SDAD1: variants seen among roughly 807,000 people sequenced by gnomAD.
SDAD1 encodes SDA1 domain containing 1.
SDAD1 carries 79 observed loss-of-function variants against 100.3 expected under a neutral mutation model. The ratio of observed to expected loss-of-function variants is 0.79; its 90% CI spans 0.66 to 0.95. SDAD1 has a LOEUF of 0.95. SDAD1 is among the 40% of genes least tolerant of loss of function. The pLI, the probability that SDAD1 is intolerant of heterozygous loss-of-function variation, is 0.00. For synonymous variants in SDAD1, 267 were observed against 271.4 expected, an observed-to-expected ratio of 0.98 and a Z score of 0.16; for missense variants, 790 against 810.9, an observed-to-expected ratio of 0.97 and a Z score of 0.31.
At chr4:75,985,173 C>T (rs1730816517) in intron 1 of SDAD1, among the ~76,000 whole-genome samples, 1 of 152,086 alleles carries the variant, frequency 6.6e-6, no homozygotes, top group Non-Finnish European at 1.5e-5. Context: ...AATCTCATTA[C>T]ACCCTTTATG....
chr4:75,974,440 G>A (rs961627374), intron 6 of SDAD1, among the ~76,000 whole-genome samples: 1 of 151,588 alleles, frequency 6.6e-6, no homozygotes, highest in Non-Finnish European at 1.5e-5. Context: ...AGAAGATCGG[G>A]GACAGTGGCT....
chr4:75,967,164 T>C (rs977160919), intron 12 of SDAD1, 113 bp downstream of exon 12: 2 of 944,540 alleles, frequency 2.1e-6, no homozygotes, highest in South Asian at 1.5e-5. Context: ...TCTCTTCACA[T>C]CTCTAATGTA....
chr4:75,957,901 A>AGATG lies in SDAD1; in HGVS notation c.1523_1524insCATC (p.Asp509IlefsTer2). 1 of 1,613,280 alleles carries AGATG rather than the reference A, an allele frequency of 6.2e-7. No individual in the cohort carries two copies. Among genetic ancestry groups the AGATG allele is most frequent in the Non-Finnish European group, 8.5e-7 (1 of 1,180,014 alleles). On this transcript the variant is annotated frameshift_variant, in exon 18 of 22. Transcript: ENST00000356260. LOFTEE classifies it high-confidence loss of function. ...GTTGCACATCAATCCATTCACCATC[A>AGATG]GCATCCTCCTCCTCACTGAGACTGG... is the stretch of plus-strand genomic sequence containing the variant.
chr4:75,950,592 C>T lies in SDAD1; in HGVS notation c.*158G>A. On this transcript the variant is annotated 3_prime_UTR_variant, in exon 22 of 22. Transcript: ENST00000356260. ...TTAACATTCCTACCATTAGCCGTCT[C>T]CAAAATAAAAACACAAAATTGCTGC... 2.0e-6 allele frequency: 1 copy of T among 502,412 alleles called. No individual in the cohort carries two copies. The highest frequency in any genetic ancestry group is 3.7e-6 in the Non-Finnish European group (1 of 271,634). 31.1% of individuals were successfully genotyped at this position (502,412 alleles called of 1,614,324 possible). A position where few individuals can be genotyped will look rare whatever the true frequency, so the allele number is the denominator to read the frequency against.
chr4:75,977,185 A>G (rs1258898345), intron 4 of SDAD1, among the ~76,000 whole-genome samples: 3 of 152,184 alleles, frequency 2.0e-5, no homozygotes, highest in Non-Finnish European at 4.4e-5. Context: ...TAACAACAAA[A>G]AAGTTTTTTG....
At chr4:75,987,492 C>G (rs567942769) in intron 1 of SDAD1, among the ~76,000 whole-genome samples, 1 of 152,040 alleles carries the variant, frequency 6.6e-6, no homozygotes, top group Admixed American at 6.6e-5. Flanking sequence ...ACATCCATGT[C>G]GCTAATTTTT....
rs1464924510 is a variant in SDAD1 at position 75,956,137 on chromosome 4, C to G, written c.1855-1G>C. On this transcript the variant is annotated splice_acceptor_variant, in intron 20 of 21. Coordinates refer to ENST00000356260, the MANE Select transcript of SDAD1 (RefSeq NM_018115.4). LOFTEE classifies it high-confidence loss of function. ...ATTCTTTTCGGTCTGTCTTTCCAGC[C>G]TACCAGAACAAAAAGTTTGATATTT... The G allele has an allele frequency of 6.3e-7, 1 of 1,595,086 alleles. No individual in the cohort carries two copies. Among genetic ancestry groups the G allele is most frequent in the South Asian group, 1.1e-5 (1 of 87,008 alleles).
intron 13 of SDAD1, 51 bp from the exon 14 acceptor site, chr4:75,964,262 C>G: frequency 8.4e-7 from 1 of 1,195,516 alleles, no homozygotes; most frequent in Non-Finnish European, 1.2e-6. Context: ...TCTGCATACA[C>G]AAACACATAA....
intron 10 of SDAD1, among the ~76,000 whole-genome samples, chr4:75,969,630 T>C (rs1023325617): frequency 1.3e-5 from 2 of 152,220 alleles, no homozygotes; most frequent in Non-Finnish European, 2.9e-5. Flanking sequence ...AATAGCTCTC[T>C]AGATCCTTGC....
chr4:75,964,336 T>C lies in SDAD1; in HGVS notation c.1105-125A>G, dbSNP rs924624648. ...AGCCTTCCACCTTCAGTTTAGGAAT[T>C]GGAAGTAATCAAGATTAAGGAAGAC... On this transcript the variant is annotated intron_variant, in intron 13 of 21. Transcript: ENST00000356260. 5.9e-6 allele frequency: 4 copies of C among 678,254 alleles called. No homozygotes were observed. In the Admixed American group the frequency reaches 1.2e-4, roughly 21 times the overall value. 42.0% of individuals were successfully genotyped at this position (678,254 alleles called of 1,614,324 possible).
intron 3 of SDAD1, among the ~76,000 whole-genome samples, chr4:75,980,064 G>A (rs1305736522): frequency 1.3e-5 from 2 of 152,128 alleles, no homozygotes; most frequent in African/African-American, 4.8e-5. Context: ...AAAACTTAAA[G>A]AAATCCTAAT....
At position 75,960,101 on chromosome 4, in the gene SDAD1, T is replaced by G. The variant is rs1578118539; in HGVS notation, c.1448A>C (p.Glu483Ala). Residue 483 changes from glutamate to alanine, a missense_variant, in exon 17 of 22, where the codon GAA becomes GCA. By Grantham distance (107) the Glu-to-Ala change is moderately radical (BLOSUM62 -1). Coordinates refer to ENST00000356260, the MANE Select transcript of SDAD1 (RefSeq NM_018115.4). ...KDYIPGAEVL[E>A]VEKEENAEND... ...TTCAGCATTCTCTTCTTTCTCAACT[T>G]CCAGAACTTCTGCTCCTGGAATGTA... 1 of 1,610,654 alleles carries G rather than the reference T, an allele frequency of 6.2e-7. No homozygotes were observed. The highest frequency in any genetic ancestry group is 2.2e-5 in the East Asian group (1 of 44,866).
chr4:75,981,805 AG>A, intron 2 of SDAD1, 127 bp downstream of exon 2: 1 of 803,504 alleles, frequency 1.2e-6, no homozygotes, highest in Non-Finnish European at 1.9e-6. Flanking sequence ...ATTTGCAAAA[AG>A]GGAAAGTTAG....
chr4:75,985,146 T>C lies in SDAD1; in HGVS notation c.91-3109A>G, dbSNP rs373336342. Among the ~76,000 whole-genome samples the C allele has an allele frequency of 7.8e-4, 119 of 152,126 alleles. 3 individuals are homozygous for C. Among genetic ancestry groups the C allele is most frequent in the African/African-American group, 2.6e-3 (108 of 41,508 alleles). ...GCCCAGCTAACACTATTTACCCGCC[T>C]TGAGATGATCAGGACTAATCTCATT... On this transcript the variant is annotated intron_variant, in intron 1 of 21. Transcript: ENST00000356260.
chr4:75,981,770 T>C (rs1730533808), intron 2 of SDAD1, among the ~76,000 whole-genome samples, 163 bp downstream of exon 2: 1 of 152,240 alleles, frequency 6.6e-6, no homozygotes, highest in African/African-American at 2.4e-5. Flanking sequence ...TGACATTCTC[T>C]AACTCATGAT....
At position 75,957,918 on chromosome 4, in the gene SDAD1, T is replaced by C. The variant is rs1728999445; in HGVS notation, c.1507A>G (p.Ser503Gly). Reference sequence around the variant, plus strand: ...TCACCATCAGCATCCTCCTCCTCACTGAGACTGGTACTTTCCCATCCATCT... The same window carrying C: ...TCACCATCAGCATCCTCCTCCTCACCGAGACTGGTACTTTCCCATCCATCT... The part of the protein sequence containing the change: ...DEDGWESTSL[S>G]EEEDADGEWI... Residue 503 changes from serine to glycine, a missense_variant, in exon 18 of 22, where the codon AGT (serine) becomes GGT (glycine). Coordinates refer to ENST00000356260, the MANE Select transcript of SDAD1 (RefSeq NM_018115.4). 1 of 1,612,808 alleles carries C rather than the reference T, an allele frequency of 6.2e-7. No individual in the cohort carries two copies. Among genetic ancestry groups the C allele is most frequent in the Admixed American group, 1.7e-5 (1 of 59,994 alleles).
At chr4:75,990,635 A>G in intron 1 of SDAD1, 117 bp downstream of exon 1, 1 of 1,598,648 alleles carries the variant, frequency 6.3e-7, no homozygotes, top group East Asian at 2.2e-5. Context: ...GGGACCCCTG[A>G]ACCTAACAGA....
intron 1 of SDAD1, among the ~76,000 whole-genome samples, chr4:75,986,885 T>A (rs1052335885): frequency 6.6e-6 from 1 of 151,878 alleles, no homozygotes; most frequent in Non-Finnish European, 1.5e-5. Context: ...GGAATGGTGG[T>A]TGCACACTTG....
At chr4:75,963,983 A>G in intron 14 of SDAD1, 152 bp downstream of exon 14, 1 of 556,492 alleles carries the variant, frequency 1.8e-6, no homozygotes, top group African/African-American at 2.0e-5. Flanking sequence ...GACCAATAAA[A>G]AAATTATCAA....
Sources: gnomAD v4.1 joint callset for allele counts (sites outside exome capture counted in the v4.1 genomes callset) on GRCh38, gnomAD v4.1.1 for gene constraint, MANE v1.5 for transcripts, NCBI Gene and HGNC (gene_info 2026-07-23, HGNC 2026-07-21) for gene names.